Variants in PTPRD observed in about 807,000 individuals in gnomAD.
The protein encoded by PTPRD is protein tyrosine phosphatase receptor type D.
Under a neutral mutation model 214.5 loss-of-function variants are expected in PTPRD, and 34 were observed. The observed-to-expected ratio is 0.16, with a 90% CI of 0.12 to 0.21. The LOEUF is 0.21. Among genes scored for constraint, PTPRD ranks in the 10% least tolerant of loss-of-function variants. The pLI is 1.00. For missense variants in PTPRD, 2,545 were observed against 2,398.7 expected, an observed-to-expected ratio of 1.06 and a Z score of -1.27; for synonymous variants, 1,128 against 845.7, an observed-to-expected ratio of 1.33 and a Z score of -5.79.
chr9:10,019,307 G>A (rs1006719166), intron 4 of PTPRD, among the ~76,000 whole-genome samples: 11 of 152,136 alleles, frequency 7.2e-5, no homozygotes, highest in African/African-American at 2.4e-4. Flanking sequence ...GGAGAAATAG[G>A]AACACTTTTA....
rs565361260 is a variant in PTPRD, at chr9:9,892,441, C to A, written c.-368+46066G>T. On this transcript the variant is annotated intron_variant, in intron 5 of 45. Coordinates refer to ENST00000381196, the MANE Select transcript of PTPRD (RefSeq NM_002839.4). ...TCTGCTCAGAGAACAGAAAGTAGAT[C>A]TAGGGCACAGTGAGCCAGACGGAAA... Among the ~76,000 whole-genome samples the A allele has an allele frequency of 2.0e-5, 3 of 152,120 alleles. No homozygotes were observed. In the East Asian group the frequency reaches 5.8e-4, roughly 29 times the overall value.
chr9:9,629,638 T>G (rs2095529289), intron 7 of PTPRD, among the ~76,000 whole-genome samples: 2 of 152,196 alleles, frequency 1.3e-5, no homozygotes, highest in Admixed American at 1.3e-4. Context: ...ATCAGATAAC[T>G]TGATCTAACA....
intron 3 of PTPRD, among the ~76,000 whole-genome samples, chr9:10,110,238 T>G (rs1399470715): frequency 6.6e-6 from 1 of 152,192 alleles, no homozygotes; most frequent in Non-Finnish European, 1.5e-5. Flanking sequence ...AAGTAGCTCC[T>G]ACATTCCAGG....
At chr9:10,077,681 G>C (rs77488590) in intron 3 of PTPRD, among the ~76,000 whole-genome samples, 3,933 of 152,144 alleles carry the variant, frequency 0.026, 76 homozygotes, top group Middle Eastern at 0.082. Context: ...CATGTCTGTT[G>C]TTCCCTTCTT....
At chr9:9,783,538 G>T (rs1244612690) in intron 5 of PTPRD, among the ~76,000 whole-genome samples, 1 of 152,110 alleles carries the variant, frequency 6.6e-6, no homozygotes, top group Non-Finnish European at 1.5e-5. Flanking sequence ...GATGTGGGAA[G>T]AGATCTATAA....
chr9:8,789,379 G>T (rs1232849774), intron 11 of PTPRD, among the ~76,000 whole-genome samples: 2 of 152,178 alleles, frequency 1.3e-5, no homozygotes, highest in African/African-American at 4.8e-5. Flanking sequence ...TTGGATACAT[G>T]ATATGTAAAG....
intron 11 of PTPRD, among the ~76,000 whole-genome samples, chr9:8,910,335 C>G (rs890658665): frequency 4.6e-5 from 7 of 152,050 alleles, no homozygotes; most frequent in South Asian, 2.1e-4. Context: ...CCGCACCTGG[C>G]CTTTATGTAG....
At chr9:9,169,339 T>C (rs953351726) in intron 10 of PTPRD, among the ~76,000 whole-genome samples, 3 of 152,172 alleles carry the variant, frequency 2.0e-5, no homozygotes, top group African/African-American at 7.2e-5. Context: ...GTGTTTCTGA[T>C]TCAATGCTAA....
At chr9:8,570,532 T>A (rs2090807709) in intron 14 of PTPRD, among the ~76,000 whole-genome samples, 1 of 152,140 alleles carries the variant, frequency 6.6e-6, no homozygotes, top group African/African-American at 2.4e-5. Flanking sequence ...ATAAATACAC[T>A]TAAGAGAGGT....
chr9:9,390,117 G>A (rs1435995592), intron 9 of PTPRD, among the ~76,000 whole-genome samples: 1 of 152,160 alleles, frequency 6.6e-6, no homozygotes, highest in East Asian at 1.9e-4. Context: ...ACAGAGAGCA[G>A]AGGCCAAAGT....
rs187804425 is a variant in PTPRD at position 9,541,089 on chromosome 9, G to A, written c.-237+33643C>T. 2.6e-4 allele frequency among the ~76,000 whole-genome samples: 39 copies of A among 151,912 alleles called. No homozygotes were observed. The East Asian group carries it at 6.8e-3, about 27-fold the overall frequency. Reference sequence around the variant, plus strand: ...ATACCTTGCTGAGTGACAGGAAGAGGAGAAATACACGGTAGACCTCAAGAA... The same window carrying A: ...ATACCTTGCTGAGTGACAGGAAGAGAAGAAATACACGGTAGACCTCAAGAA... On this transcript the variant is annotated intron_variant, in intron 8 of 45. Transcript: ENST00000381196.
Position 9,920,018 on chromosome 9 carries a change from C to G in PTPRD, c.-368+18489G>C, listed in dbSNP as rs545036722. Among the ~76,000 whole-genome samples the G allele has an allele frequency of 1.1e-4, 17 of 152,052 alleles. No homozygotes were observed. The South Asian group carries it at 3.5e-3, about 32-fold the overall frequency. ...TTTTCATCATAATCAAAGATCTTTTCTTGAGGTTACAATAAACGGGATTTA... is the reference window on the plus strand; with the variant it reads ...TTTTCATCATAATCAAAGATCTTTTGTTGAGGTTACAATAAACGGGATTTA... On this transcript the variant is annotated intron_variant, in intron 5 of 45. Transcript: ENST00000381196.
At chr9:9,978,024 G>C (rs546864975) in intron 4 of PTPRD, among the ~76,000 whole-genome samples, 24 of 151,978 alleles carry the variant, frequency 1.6e-4, no homozygotes, top group African/African-American at 5.8e-4. Flanking sequence ...AAGTCAAAGA[G>C]AACTATCAAA....
At chr9:9,142,650 T>G (rs1358849316) in intron 10 of PTPRD, among the ~76,000 whole-genome samples, 1 of 152,190 alleles carries the variant, frequency 6.6e-6, no homozygotes, top group Non-Finnish European at 1.5e-5. Context: ...TCACTTGATA[T>G]AAAAAGGAAC....
At chr9:9,229,428 T>C (rs955496825) in intron 9 of PTPRD, among the ~76,000 whole-genome samples, 6 of 152,120 alleles carry the variant, frequency 3.9e-5, no homozygotes, top group Non-Finnish European at 1.5e-5. Flanking sequence ...CTGGCCGGCC[T>C]GTTCCTGTGT....
chr9:8,332,464 T>C (rs752490191), intron 43 of PTPRD, among the ~76,000 whole-genome samples: 17 of 152,110 alleles, frequency 1.1e-4, no homozygotes, highest in Non-Finnish European at 2.2e-4. Flanking sequence ...AATGCCCTTT[T>C]CTGAAAAAGA....
intron 12 of PTPRD, among the ~76,000 whole-genome samples, chr9:8,659,646 A>T (rs1022917304): frequency 1.3e-5 from 2 of 152,222 alleles, no homozygotes; most frequent in African/African-American, 4.8e-5. Flanking sequence ...AGAAGAGGGT[A>T]CAGAAGTAAT....
intron 3 of PTPRD, among the ~76,000 whole-genome samples, chr9:10,138,691 AG>A (rs970544362): frequency 6.6e-6 from 1 of 152,176 alleles, no homozygotes; most frequent in Non-Finnish European, 1.5e-5. Flanking sequence ...CACATCAAAA[AG>A]TTAGTTCACA....
At chr9:8,919,340 C>T (rs1357636179) in intron 11 of PTPRD, among the ~76,000 whole-genome samples, 2 of 147,604 alleles carry the variant, frequency 1.4e-5, no homozygotes, top group Non-Finnish European at 3.0e-5. Flanking sequence ...TGCAGTGAGC[C>T]GAGGCTATGC....
Sources: allele counts gnomAD v4.1 joint callset (sites outside exome capture counted in the v4.1 genomes callset), GRCh38; gene constraint gnomAD v4.1.1; transcripts MANE v1.5; gene names NCBI Gene and HGNC (gene_info 2026-07-23, HGNC 2026-07-21).